HAO2: variants seen among roughly 807,000 people sequenced by gnomAD.
HAO2 encodes the protein 2-Hydroxyacid oxidase 2.
A neutral mutation model predicts 37.4 loss-of-function variants in HAO2; 42 were observed. That is an observed-to-expected ratio of 1.12 (90% CI 0.88 to 1.45). HAO2 has a LOEUF of 1.45. Ranked by LOEUF, HAO2 falls within the 40% of genes most tolerant of loss-of-function variation. The pLI is 0.00. For synonymous variants in HAO2, 180 were observed against 162.8 expected, an observed-to-expected ratio of 1.11 and a Z score of -0.81; for missense variants, 476 against 430.2, an observed-to-expected ratio of 1.11 and a Z score of -0.94.
At chr1:119,389,019 T>C (rs1208546272) in intron 5 of HAO2, among the ~76,000 whole-genome samples, 1 of 149,098 alleles carries the variant, frequency 6.7e-6, no homozygotes, top group African/African-American at 2.5e-5. Flanking sequence ...AGTGAGAATA[T>C]ATGATGTTTG....
intron 5 of HAO2, among the ~76,000 whole-genome samples, chr1:119,391,532 C>A (rs909702255): frequency 1.3e-5 from 2 of 152,130 alleles, no homozygotes; most frequent in South Asian, 2.1e-4. Flanking sequence ...TTAGTTTTAC[C>A]GTGTTGTACT....
chr1:119,389,892 T>A (rs1335744906), intron 5 of HAO2, among the ~76,000 whole-genome samples: 2 of 152,188 alleles, frequency 1.3e-5, no homozygotes, highest in South Asian at 2.1e-4. Flanking sequence ...GTTTTTCCTA[T>A]GTTATATTCT....
chr1:119,393,521 G>T (rs1335831511), intron 7 of HAO2, among the ~76,000 whole-genome samples: 1 of 152,128 alleles, frequency 6.6e-6, no homozygotes, highest in African/African-American at 2.4e-5. Flanking sequence ...CACAAGAGTT[G>T]ATTTAGAAAA....
chr1:119,376,396 G>T (rs1020167226), intron 1 of HAO2, among the ~76,000 whole-genome samples: 3 of 152,194 alleles, frequency 2.0e-5, no homozygotes, highest in Non-Finnish European at 4.4e-5. Flanking sequence ...GGCTTTTCAG[G>T]GTACAGCCTC....
In HAO2 at chr1:119,392,180, G is replaced by T. The variant is rs375715356; in HGVS notation, c.842G>T (p.Arg281Leu). Residue 281 changes from arginine to leucine, a missense_variant, in exon 6 of 8, where the codon CGA becomes CTA. Arg to Leu is a moderately radical substitution (Grantham distance 102, BLOSUM62 -2). Transcript: ENST00000325945. ...GAAGTCTACCTGGATGGCGGGGTCC[G>T]AACTGGCAATGATGTGCTGAAGGCT... is the stretch of plus-strand genomic sequence containing the variant. ...KIEVYLDGGV[R>L]TGNDVLKALA... The T allele has an allele frequency of 6.2e-7, 1 of 1,613,254 alleles. No individual in the cohort carries two copies. Among genetic ancestry groups the T allele is most frequent in the South Asian group, 1.1e-5 (1 of 91,016 alleles).
rs191145134 is a variant in HAO2, at chr1:119,373,798, T to C, written c.-9+4896T>C. On this transcript the variant is annotated intron_variant, in intron 1 of 7. Coordinates refer to ENST00000325945, the MANE Select transcript of HAO2 (RefSeq NM_016527.4). ...TACAGGTTGAGAAGGGAATTTTCAT[T>C]AGTAGAAACAAAAAAAGGCTAATGA... 1.5e-3 allele frequency among the ~76,000 whole-genome samples: 225 copies of C among 152,108 alleles called. 1 individual carries two copies. Among genetic ancestry groups the C allele is most frequent in the African/African-American group, 5.2e-3 (217 of 41,500 alleles).
chr1:119,382,097 T>A (rs1205966508), intron 2 of HAO2, among the ~76,000 whole-genome samples: 1 of 152,176 alleles, frequency 6.6e-6, no homozygotes, highest in Admixed American at 6.5e-5. Flanking sequence ...ATTCTGTATT[T>A]TCATACTTAG....
At chr1:119,386,948 ATGTGT>A (rs1193852873) in intron 5 of HAO2, 117 bp downstream of exon 5, 3 of 681,014 alleles carry the variant, frequency 4.4e-6, no homozygotes, top group Non-Finnish European at 8.0e-6. Context: ...TCTGTACCAC[ATGTGT>A]TGGTATGTAT....
chr1:119,377,012 C>G (rs1322481088), intron 1 of HAO2, among the ~76,000 whole-genome samples: 1 of 152,224 alleles, frequency 6.6e-6, no homozygotes, highest in Non-Finnish European at 1.5e-5. Flanking sequence ...CTGCAGCCAG[C>G]TTGAATTTCT....
At chr1:119,371,287 T>C (rs1234719901) in intron 1 of HAO2, among the ~76,000 whole-genome samples, 1 of 152,180 alleles carries the variant, frequency 6.6e-6, no homozygotes, top group Admixed American at 6.5e-5. Context: ...TTTTTATCTA[T>C]AACATGGGGC....
In HAO2 at chr1:119,381,139, T is replaced by A; in HGVS notation, c.54T>A (p.Ser18=). The change falls in exon 2 of 8, where the codon TCT becomes TCA. Residue 18 remains serine (S), a synonymous_variant. Coordinates refer to ENST00000325945, the MANE Select transcript of HAO2 (RefSeq NM_016527.4). ...AGGCCCATGCGCGAGAGCAGCTGTC[T>A]AAGTCAACTCGGGATTTTATTGAAG... The part of the protein sequence containing the change: ...DFQAHAREQL[S]KSTRDFIEGG... 6.2e-7 allele frequency: 1 copy of A among 1,609,610 alleles called. No homozygotes were observed. Among genetic ancestry groups the A allele is most frequent in the Non-Finnish European group, 8.5e-7 (1 of 1,175,816 alleles).
At chr1:119,382,143 C>T (rs934186107) in intron 2 of HAO2, among the ~76,000 whole-genome samples, 20 of 152,166 alleles carry the variant, frequency 1.3e-4, no homozygotes, top group African/African-American at 4.6e-4. Flanking sequence ...TCATTTATTT[C>T]AGTCTGTCTT....
rs74575149 is a variant in HAO2, at chr1:119,392,698, A to G, written c.1000+11A>G. 4,281 of 1,546,058 alleles carry G rather than the reference A, an allele frequency of 2.8e-3. 103 individuals are homozygous for G. In the African/African-American group the frequency reaches 0.051, roughly 19 times the overall value. On this transcript the variant is annotated intron_variant, in intron 7 of 7. Transcript: ENST00000325945. ...CCATGGCCCTTACAGGTAAGTTAAC[A>G]TGTTTTCCCTGATTTGGAACTTAAA...
At chr1:119,390,371 C>G (rs981177538) in intron 5 of HAO2, among the ~76,000 whole-genome samples, 1 of 152,138 alleles carries the variant, frequency 6.6e-6, no homozygotes, top group African/African-American at 2.4e-5. Flanking sequence ...CCTGCCTTAG[C>G]CTCCCAAGTA....
At position 119,368,870 on chromosome 1, in the gene HAO2, C is replaced by G. The variant is rs143468842; in HGVS notation, c.-41C>G. On this transcript the variant is annotated 5_prime_UTR_variant, in exon 1 of 8. Transcript: ENST00000325945. Reference sequence around the variant, plus strand: ...TTTGAGTGGCTGCGTCTAAACACTTCTTTCCCTGAGGACTGGAAGACATTA... The same window carrying G: ...TTTGAGTGGCTGCGTCTAAACACTTGTTTCCCTGAGGACTGGAAGACATTA... 1.3e-5 allele frequency: 2 copies of G among 152,224 alleles called. No homozygotes were observed. The highest frequency in any genetic ancestry group is 2.9e-5 in the Non-Finnish European group (2 of 68,070). The allele number at this position is 152,224 out of a possible 1,614,324, so 9.4% of individuals were successfully genotyped here. A position where few individuals can be genotyped will look rare whatever the true frequency, so the allele number is the denominator to read the frequency against.
In HAO2 at chr1:119,392,659, T is replaced by C; in HGVS notation, c.972T>C (p.Asn324=). Residue 324 remains asparagine, a synonymous_variant, in exon 7 of 8, where the codon AAT becomes AAC. Transcript: ENST00000325945. The stretch of plus-strand genomic sequence containing the variant: ...AGGAAGTTTTGAACATTTTAACAAA[T>C]GAGTTCCACACTTCCATGGCCCTTA... ...GVKEVLNILT[N]EFHTSMALTG... 1.2e-6 allele frequency: 2 copies of C among 1,608,756 alleles called. No homozygotes were observed. The highest frequency in any genetic ancestry group is 1.7e-5 in the Admixed American group (1 of 59,986).
At chr1:119,387,617 A>AT (rs1650491860) in intron 5 of HAO2, among the ~76,000 whole-genome samples, 3 of 152,152 alleles carry the variant, frequency 2.0e-5, no homozygotes, top group Non-Finnish European at 2.9e-5. Flanking sequence ...TGCAAATACA[A>AT]TTTTTGGTGT....
At chr1:119,376,150 A>G (rs779858180) in intron 1 of HAO2, among the ~76,000 whole-genome samples, 15 of 152,294 alleles carry the variant, frequency 9.8e-5, no homozygotes, top group Middle Eastern at 3.4e-3. Flanking sequence ...GTAAAATCAA[A>G]AGCAAGTTAG....
At position 119,393,843 on chromosome 1, in the gene HAO2, A is replaced by G; in HGVS notation, c.*3A>G. ...TGGTCCAGTTTTCCAGGCTGTAAGA[A>G]AAAAGGGCCAATAACCAGACTGCTG... On this transcript the variant is annotated 3_prime_UTR_variant, in exon 8 of 8. Coordinates refer to ENST00000325945, the MANE Select transcript of HAO2 (RefSeq NM_016527.4). 1 of 1,613,014 alleles carries G rather than the reference A, an allele frequency of 6.2e-7. No homozygotes were observed. The highest frequency in any genetic ancestry group is 8.5e-7 in the Non-Finnish European group (1 of 1,179,190).
Sources: gnomAD v4.1 joint callset for allele counts (sites outside exome capture counted in the v4.1 genomes callset) on GRCh38, gnomAD v4.1.1 for gene constraint, MANE v1.5 for transcripts, NCBI Gene and HGNC (gene_info 2026-07-23, HGNC 2026-07-21) for gene names.